Variants in CACNA1E observed in about 807,000 individuals in gnomAD.
CACNA1E encodes calcium voltage-gated channel subunit alpha1 E.
Under a neutral mutation model 259.2 loss-of-function variants are expected in CACNA1E, and 40 were observed. That is an observed-to-expected ratio of 0.15 (90% CI 0.12 to 0.20). CACNA1E has a LOEUF of 0.20. Ranked by LOEUF, CACNA1E falls within the 10% of genes least tolerant of loss-of-function variation. The pLI, the probability that CACNA1E is intolerant of heterozygous loss-of-function variation, is 1.00. For missense variants in CACNA1E, 1,874 were observed against 3,040.1 expected, an observed-to-expected ratio of 0.62 and a Z score of 9.02; for synonymous variants, 1,104 against 1,138.5, an observed-to-expected ratio of 0.97 and a Z score of 0.61.
intron 3 of CACNA1E, among the ~76,000 whole-genome samples, chr1:181,558,845 G>A (rs1169111396): frequency 1.3e-5 from 2 of 152,132 alleles, no homozygotes; most frequent in African/African-American, 4.8e-5. Context: ...AGGTATTCTT[G>A]TGAAAAATTA....
intron 6 of CACNA1E, among the ~76,000 whole-genome samples, chr1:181,588,441 C>T (rs962416024): frequency 7.9e-5 from 12 of 152,210 alleles, no homozygotes; most frequent in African/African-American, 2.7e-4. Flanking sequence ...ACCGCTCCCT[C>T]CCTGGGAAGA....
chr1:181,726,212 C>A, intron 18 of CACNA1E, 50 bp downstream of exon 18: 1 of 1,280,476 alleles, frequency 7.8e-7, no homozygotes, highest in East Asian at 2.4e-5. Context: ...TGCTAACAGC[C>A]AATTCATCAA....
At chr1:181,585,631 C>T (rs1651983805) in intron 6 of CACNA1E, among the ~76,000 whole-genome samples, 2 of 152,082 alleles carry the variant, frequency 1.3e-5, no homozygotes. Context: ...GTCAGGAGGA[C>T]CACATTGAGA....
chr1:181,799,012 T>C lies in CACNA1E; in HGVS notation c.*178T>C. The C allele has an allele frequency of 1.9e-6, 1 of 536,786 alleles. No homozygotes were observed. Among genetic ancestry groups the C allele is most frequent in the Non-Finnish European group, 3.1e-6 (1 of 325,594 alleles). 33.3% of individuals were successfully genotyped at this position (536,786 alleles called of 1,614,324 possible). The stretch of plus-strand genomic sequence containing the variant: ...AGAACACCAGTCAAACCCACCAAAT[T>C]GCTTTATTCCCCTTTGCAAGATGGG... On this transcript the variant is annotated 3_prime_UTR_variant, in exon 48 of 48. Transcript: ENST00000367573.
rs577858051 is a variant in CACNA1E, at chr1:181,330,365, A to C, written c.-15+12242A>C. Among the ~76,000 whole-genome samples, 7 of 151,420 alleles carry C rather than the reference A, an allele frequency of 4.6e-5. 1 individual carries two copies. In the South Asian group the frequency reaches 1.5e-3, roughly 32 times the overall value. Reference sequence around the variant, plus strand: ...CTTCTCTGCCTGCCTCCAGTTTCTTATGGCTGAAACCATAGGCTGAAGCAC... The same window carrying C: ...CTTCTCTGCCTGCCTCCAGTTTCTTCTGGCTGAAACCATAGGCTGAAGCAC... On this transcript the variant is annotated intron_variant, in intron 1 of 11. Coordinates refer to the CACNA1E transcript ENST00000524607.
chr1:181,656,711 G>A (rs1659237256), intron 7 of CACNA1E, among the ~76,000 whole-genome samples: 1 of 152,172 alleles, frequency 6.6e-6, no homozygotes, highest in African/African-American at 2.4e-5. Flanking sequence ...CTCACCCAGA[G>A]CAACTTCCTG....
chr1:181,549,928 C>T lies in CACNA1E; in HGVS notation c.513-27838C>T, dbSNP rs181330287. Among the ~76,000 whole-genome samples, 4 of 152,172 alleles carry T rather than the reference C, an allele frequency of 2.6e-5. No homozygotes were observed. In the East Asian group the frequency reaches 7.7e-4, roughly 29 times the overall value. On this transcript the variant is annotated intron_variant, in intron 3 of 47. Coordinates refer to ENST00000367573, the MANE Select transcript of CACNA1E (RefSeq NM_001205293.3). ...ACACTTCTGGATTCTACTGTGAAGACAATAGAGGGCCATTAAGAGGCTTAA... is the reference window on the plus strand; with the variant it reads ...ACACTTCTGGATTCTACTGTGAAGATAATAGAGGGCCATTAAGAGGCTTAA...
At chr1:181,373,295 A>G (rs1387908465) in intron 1 of CACNA1E, among the ~76,000 whole-genome samples, 3 of 151,944 alleles carry the variant, frequency 2.0e-5, no homozygotes, top group Admixed American at 2.0e-4. Flanking sequence ...GGTTTTTATT[A>G]CTGATTTAAT....
At chr1:181,535,689 CTT>C (rs759161338) in intron 3 of CACNA1E, among the ~76,000 whole-genome samples, 1 of 138,810 alleles carries the variant, frequency 7.2e-6, no homozygotes. Flanking sequence ...ATGATTATTT[CTT>C]TTTTTTTTTT....
At chr1:181,369,956 C>T (rs999621490) in intron 1 of CACNA1E, among the ~76,000 whole-genome samples, 58 of 152,264 alleles carry the variant, frequency 3.8e-4, no homozygotes, top group African/African-American at 6.5e-4. Flanking sequence ...CCTCCTCCCA[C>T]GCTCCACTCT....
chr1:181,649,253 C>T (rs1658545304), intron 6 of CACNA1E, among the ~76,000 whole-genome samples: 1 of 152,172 alleles, frequency 6.6e-6, no homozygotes, highest in African/African-American at 2.4e-5. Context: ...CAAAGAGCTC[C>T]ATCTTACACA....
intron 32 of CACNA1E, among the ~76,000 whole-genome samples, chr1:181,761,087 T>C (rs1396361139): frequency 1.3e-5 from 2 of 152,226 alleles, no homozygotes; most frequent in African/African-American, 4.8e-5. Context: ...ACTGTGTGAT[T>C]CAATCTGTCC....
In CACNA1E at chr1:181,796,841, C is replaced by A. The variant is rs76315042; in HGVS notation, c.6382C>A (p.Gln2128Lys). ...CAGGTCACCCAGTGAGGGCAGGTCA[C>A]AGACGCCCAACAGACAGGTGAGCGC... ...QSRSPSEGRS[Q>K]TPNRQGTGSL... The change falls in exon 47 of 48, where the codon CAG (glutamine) becomes AAG (lysine). Residue 2128 changes from glutamine (Q) to lysine (K), a missense_variant. Coordinates refer to ENST00000367573, the MANE Select transcript of CACNA1E (RefSeq NM_001205293.3). The A allele has an allele frequency of 1.9e-6, 3 of 1,600,320 alleles. No homozygotes were observed. The highest frequency in any genetic ancestry group is 2.6e-6 in the Non-Finnish European group (3 of 1,172,966).
chr1:181,444,414 A>G (rs1271135593), intron 2 of CACNA1E, among the ~76,000 whole-genome samples: 1 of 152,048 alleles, frequency 6.6e-6, no homozygotes, highest in African/African-American at 2.4e-5. Flanking sequence ...AAGGTACTGG[A>G]ACTGCTATGG....
At chr1:181,619,187 G>A (rs996837032) in intron 6 of CACNA1E, among the ~76,000 whole-genome samples, 1 of 134,864 alleles carries the variant, frequency 7.4e-6, no homozygotes, top group African/African-American at 2.9e-5. Flanking sequence ...CAAGGGGACG[G>A]GGTCGGTTTT....
intron 17 of CACNA1E, among the ~76,000 whole-genome samples, chr1:181,725,723 C>A (rs1654842862): frequency 6.6e-6 from 1 of 152,230 alleles, no homozygotes; most frequent in African/African-American, 2.4e-5. Context: ...TGGGAAGTGT[C>A]AGCTCCTGCC....
chr1:181,737,697 G>A (rs1656180137), intron 23 of CACNA1E, 43 bp downstream of exon 23: 2 of 1,594,126 alleles, frequency 1.3e-6, no homozygotes, highest in Non-Finnish European at 1.7e-6. Flanking sequence ...TAGTGCTCTG[G>A]TGCTCACCCC....
chr1:181,771,872 G>A (rs912493454), intron 36 of CACNA1E, among the ~76,000 whole-genome samples, 194 bp from the exon 37 acceptor site: 2 of 152,144 alleles, frequency 1.3e-5, no homozygotes, highest in African/African-American at 4.8e-5. Flanking sequence ...AGTGGATGGG[G>A]TAGCAGAACC....
intron 7 of CACNA1E, among the ~76,000 whole-genome samples, chr1:181,654,908 C>T (rs983987540): frequency 6.6e-6 from 1 of 150,702 alleles, no homozygotes; most frequent in African/African-American, 2.4e-5. Context: ...GGCGTGAACC[C>T]CAGGGGGCGG....
Sources: allele counts gnomAD v4.1 joint callset (sites outside exome capture counted in the v4.1 genomes callset), GRCh38; gene constraint gnomAD v4.1.1; transcripts MANE v1.5; gene names NCBI Gene and HGNC (gene_info 2026-07-23, HGNC 2026-07-21).